The following ZNF562 variants were observed in gnomAD, a reference collection of about 807,000 sequenced individuals.
ZNF562 encodes zinc finger protein 562.
ZNF562 carries 13 observed loss-of-function variants against 17.5 expected under a neutral mutation model. The observed-to-expected ratio is 0.74, with a 90% CI of 0.48 to 1.18. The LOEUF (loss-of-function observed/expected upper bound fraction) is 1.18. Among genes scored for constraint, ZNF562 ranks in the 50% most tolerant of loss-of-function variants. The probability of loss-of-function intolerance (pLI) is 0.00; values close to 1 mark genes in which losing one functional copy is unlikely to be tolerated. For synonymous variants in ZNF562, 163 were observed against 165.4 expected (o/e 0.99, Z 0.11); for missense variants, 481 against 498.5 (o/e 0.96, Z 0.33).
Position 9,660,861 on chromosome 19 carries a change from G to A in ZNF562, c.-117C>T, listed in dbSNP as rs1191017264. On this transcript the variant is annotated 5_prime_UTR_variant, in exon 2 of 6. Transcript: ENST00000453372. Reference sequence around the variant, plus strand: ...GCAATCTCCATTCCCCTTTGTACAGGGTTATCTGAGGCCCTGTTCATACCA... The same window carrying A: ...GCAATCTCCATTCCCCTTTGTACAGAGTTATCTGAGGCCCTGTTCATACCA... 3 of 966,630 alleles carry A rather than the reference G, an allele frequency of 3.1e-6. No homozygotes were observed. Among genetic ancestry groups the A allele is most frequent in the Admixed American group, 2.2e-5 (1 of 46,080 alleles). 59.9% of individuals were successfully genotyped at this position (966,630 alleles called of 1,614,324 possible).
At position 9,653,751 on chromosome 19, in the gene ZNF562, T is replaced by C; in HGVS notation, c.479A>G (p.Lys160Arg). The change falls in exon 6 of 6, where the codon AAA becomes AGA. Residue 160 changes from lysine (K) to arginine (R), a missense_variant. By Grantham distance (26) the Lys-to-Arg change is conservative. This residue lies in a region of ZNF562 where 403 missense variants were observed against 386.4 expected (regional missense o/e 1.04). Coordinates refer to ENST00000453372, the MANE Select transcript of ZNF562 (RefSeq NM_001130031.2). ...GNTFEGNCYGKDSISVHKEAS... is the reference protein window; with the variant it reads ...GNTFEGNCYGRDSISVHKEAS... ...TTCCTTGTGCACACTGATGCTGTCT[T>C]TTCCATAACAATTACCCTCAAAAGT... is the stretch of plus-strand genomic sequence containing the variant. The C allele has an allele frequency of 6.2e-7, 1 of 1,614,084 alleles. No individual in the cohort carries two copies.
rs1413177187 is a variant in ZNF562 at position 9,646,486 on chromosome 19, A to G, written c.*6463T>C. 1 of 152,202 alleles carries G rather than the reference A, an allele frequency of 6.6e-6. No individual in the cohort carries two copies. Among genetic ancestry groups the G allele is most frequent in the African/African-American group, 2.4e-5 (1 of 41,450 alleles). The allele number at this position is 152,202 out of a possible 1,614,324, so 9.4% of individuals were successfully genotyped here. ...ATCAAGCTGATGTAACTATATAAAT[A>G]TCTAACAGAATTAGTGGAACAGAAA... On this transcript the variant is annotated 3_prime_UTR_variant, in exon 6 of 6. Transcript: ENST00000453372.
chr19:9,658,063 T>C lies in ZNF562; in HGVS notation c.187A>G (p.Lys63Glu), dbSNP rs1282994424. The part of the protein sequence containing the change: ...EEWALLDTTQ[K>E]YLYRDVMLEN... ...AGCATCACATCTCTGTAGAGGTATT[T>C]CTGAGTTGTGTCCAGTAAAGCCCAC... Residue 63 changes from lysine (K) to glutamate (E), a missense_variant, in exon 4 of 6, where the codon AAA (lysine) becomes GAA (glutamate). Physicochemically the swap from Lys to Glu is moderately conservative, Grantham distance 56. This residue lies in a region of ZNF562 where 403 missense variants were observed against 386.4 expected (regional missense o/e 1.04). Coordinates refer to ENST00000453372, the MANE Select transcript of ZNF562 (RefSeq NM_001130031.2). 1 of 1,613,832 alleles carries C rather than the reference T, an allele frequency of 6.2e-7. No individual in the cohort carries two copies. Among genetic ancestry groups the C allele is most frequent in the African/African-American group, 1.3e-5 (1 of 74,910 alleles).
chr19:9,652,652 G>A lies in ZNF562; in HGVS notation c.*297C>T, dbSNP rs760417622. 28 of 225,622 alleles carry A rather than the reference G, an allele frequency of 1.2e-4. No homozygotes were observed. Among genetic ancestry groups the A allele is most frequent in the Middle Eastern group, 1.6e-3 (1 of 630 alleles). The allele number at this position is 225,622 out of a possible 1,614,324, so 14.0% of individuals were successfully genotyped here. A position where few individuals can be genotyped will look rare whatever the true frequency, so the allele number is the denominator to read the frequency against. On this transcript the variant is annotated 3_prime_UTR_variant, in exon 6 of 6. Coordinates refer to ENST00000453372, the MANE Select transcript of ZNF562 (RefSeq NM_001130031.2). ...CCTGTAGGTTTAATTTCAGACCCTC[G>A]GGATGCATCTAAGGCCAATCTGTGA...
At chr19:9,654,464 ATTTAT>A (rs1484519394) in intron 5 of ZNF562, among the ~76,000 whole-genome samples, 4 of 151,794 alleles carry the variant, frequency 2.6e-5, no homozygotes, top group African/African-American at 4.8e-5. Context: ...TGATTTATTT[ATTTAT>A]TTTATTTTAT....
At position 9,644,505 on chromosome 19, in the gene ZNF562, TGGG is replaced by T. The variant is rs2074793653; in HGVS notation, c.*8441_*8443del. Reference sequence around the variant, plus strand: ...GTGAGCCACCGTGCCTGGCCGAGACTGGGTAAGTTATGAAGAAAAAGAGGTTTA... The same window carrying T: ...GTGAGCCACCGTGCCTGGCCGAGACTTAAGTTATGAAGAAAAAGAGGTTTA... On this transcript the variant is annotated 3_prime_UTR_variant, in exon 6 of 6. Transcript: ENST00000453372. The T allele has an allele frequency of 6.6e-6, 1 of 152,166 alleles. No homozygotes were observed. The highest frequency in any genetic ancestry group is 2.4e-5 in the African/African-American group (1 of 41,412). 9.4% of individuals were successfully genotyped at this position (152,166 alleles called of 1,614,324 possible). A position where few individuals can be genotyped will look rare whatever the true frequency, so the allele number is the denominator to read the frequency against.
In ZNF562 at chr19:9,642,886, A is replaced by T. The variant is rs1168767017; in HGVS notation, c.*10063T>A. Reference sequence around the variant, plus strand: ...ACCAAAAAAAAAAAAATTTAAAAATAAAAAAATTAGCCGGGCCTGGTGGTA... The same window carrying T: ...ACCAAAAAAAAAAAAATTTAAAAATTAAAAAATTAGCCGGGCCTGGTGGTA... On this transcript the variant is annotated 3_prime_UTR_variant, in exon 6 of 6. Coordinates refer to ENST00000453372, the MANE Select transcript of ZNF562 (RefSeq NM_001130031.2). 1.3e-5 allele frequency: 2 copies of T among 151,722 alleles called. No individual in the cohort carries two copies. Among genetic ancestry groups the T allele is most frequent in the African/African-American group, 4.8e-5 (2 of 41,326 alleles). The allele number at this position is 151,722 out of a possible 1,614,324, so 9.4% of individuals were successfully genotyped here. A position where few individuals can be genotyped will look rare whatever the true frequency, so the allele number is the denominator to read the frequency against.
chr19:9,663,324 T>C (rs1194739572), intron 1 of ZNF562, among the ~76,000 whole-genome samples: 4 of 146,838 alleles, frequency 2.7e-5, no homozygotes, highest in Non-Finnish European at 4.5e-5. Context: ...GGCAGGAGAA[T>C]GGCATGAACC....
chr19:9,669,568 T>C (rs2044068416), intron 1 of ZNF562, among the ~76,000 whole-genome samples: 1 of 152,104 alleles, frequency 6.6e-6, no homozygotes, highest in Admixed American at 6.6e-5. Context: ...CTCAGGCCTT[T>C]AATCCCAAAA....
Position 9,647,964 on chromosome 19 carries a change from T to C in ZNF562, c.*4985A>G, listed in dbSNP as rs2074820403. ...TTTCGCTATGTTGCCCAGGCTGGTT[T>C]GAACTCCTTGGCTCAAGGGATCTTT... On this transcript the variant is annotated 3_prime_UTR_variant, in exon 6 of 6. Transcript: ENST00000453372. 1 of 152,168 alleles carries C rather than the reference T, an allele frequency of 6.6e-6. No individual in the cohort carries two copies. The highest frequency in any genetic ancestry group is 2.4e-5 in the African/African-American group (1 of 41,440). The allele number at this position is 152,168 out of a possible 1,614,324, so 9.4% of individuals were successfully genotyped here.
Position 9,653,074 on chromosome 19 carries a change from T to C in ZNF562, c.1156A>G (p.Thr386Ala). The part of the protein sequence containing the change: ...ECGKAFNRSS[T>A]LTQHRRIHTG... ...TGAATTCTTCTATGTTGAGTAAGCG[T>C]TGAAGATCTATTGAAGGCTTTCCCA... The change falls in exon 6 of 6, where the codon ACG becomes GCG. Residue 386 changes from threonine to alanine, a missense_variant. Thr to Ala is a moderately conservative substitution (Grantham distance 58, BLOSUM62 0). Transcript: ENST00000453372. The C allele has an allele frequency of 8.1e-6, 13 of 1,608,414 alleles. No homozygotes were observed. Among genetic ancestry groups the C allele is most frequent in the Non-Finnish European group, 1.1e-5 (13 of 1,177,232 alleles).
In ZNF562 at chr19:9,647,387, T is replaced by G. The variant is rs1346180410; in HGVS notation, c.*5562A>C. The stretch of plus-strand genomic sequence containing the variant: ...GAGCCACCACTCCCAGCCTGATAAC[T>G]GTTTTATTTATTTATTTTTATTTTT... On this transcript the variant is annotated 3_prime_UTR_variant, in exon 6 of 6. Coordinates refer to ENST00000453372, the MANE Select transcript of ZNF562 (RefSeq NM_001130031.2). 6.6e-6 allele frequency: 1 copy of G among 152,096 alleles called. No homozygotes were observed. The highest frequency in any genetic ancestry group is 1.5e-5 in the Non-Finnish European group (1 of 68,074). 9.4% of individuals were successfully genotyped at this position (152,096 alleles called of 1,614,324 possible). A position where few individuals can be genotyped will look rare whatever the true frequency, so the allele number is the denominator to read the frequency against.
chr19:9,669,734 GCACACACACACACACACACA>G (rs71188835), intron 1 of ZNF562, among the ~76,000 whole-genome samples: 162 of 109,340 alleles, frequency 1.5e-3, no homozygotes, highest in South Asian at 2.5e-3. Context: ...GCGCGCGCGC[GCACACACACACACACACACA>G]CACACACACA....
In ZNF562 at chr19:9,652,908, G is replaced by T. The variant is rs375848308; in HGVS notation, c.*41C>A. 8.6e-5 allele frequency: 126 copies of T among 1,462,390 alleles called. No homozygotes were observed. The highest frequency in any genetic ancestry group is 1.1e-4 in the Non-Finnish European group (118 of 1,104,230). 90.6% of individuals were successfully genotyped at this position (1,462,390 alleles called of 1,614,324 possible). On this transcript the variant is annotated 3_prime_UTR_variant, in exon 6 of 6. Coordinates refer to ENST00000453372, the MANE Select transcript of ZNF562 (RefSeq NM_001130031.2). The stretch of plus-strand genomic sequence containing the variant: ...TTCTCTCTGGTAGGAGTTCACAGGT[G>T]GGGTGAGGAATACAGAAATTCTTTC...
intron 1 of ZNF562, among the ~76,000 whole-genome samples, chr19:9,672,777 CTTTTTTTTTTTTT>C (rs869261585): frequency 1.8e-5 from 2 of 112,236 alleles, no homozygotes; most frequent in Admixed American, 9.2e-5. Context: ...TATTGCCTTT[CTTTTTTTTTTTTT>C]TTTTTTTTTA....
intron 1 of ZNF562, among the ~76,000 whole-genome samples, chr19:9,668,816 C>A (rs890334355): frequency 6.6e-6 from 1 of 152,076 alleles, no homozygotes; most frequent in Non-Finnish European, 1.5e-5. Context: ...TACAAATCTA[C>A]ACATGTACAG....
rs778000569 is a variant in ZNF562 at position 9,659,466 on chromosome 19, C to A, written c.27G>T (p.Gly9=). 6.4e-7 allele frequency: 1 copy of A among 1,550,936 alleles called. No homozygotes were observed. The highest frequency in any genetic ancestry group is 8.7e-7 in the Non-Finnish European group (1 of 1,146,742). The change falls in exon 3 of 6, where the codon GGG becomes GGT. Residue 9 remains glycine (G), a splice_region_variant and synonymous_variant. Coordinates refer to ENST00000453372, the MANE Select transcript of ZNF562 (RefSeq NM_001130031.2). MSAFDMSH[G]FFPREPICPF... ...GACAGATTGGTTCCCTGGGAAAAAACCCTAGTGGAAAAGTAAGAAGGCATG... is the reference window on the plus strand; with the variant it reads ...GACAGATTGGTTCCCTGGGAAAAAAACCTAGTGGAAAAGTAAGAAGGCATG...
At chr19:9,658,462 G>A (rs561614989) in intron 3 of ZNF562, 1 of 418,388 alleles carries the variant, frequency 2.4e-6, no homozygotes, top group East Asian at 1.6e-4. Flanking sequence ...TGATTCTCAT[G>A]CCTCAGCCTC....
At chr19:9,656,741 C>G in intron 4 of ZNF562, 88 bp from the exon 5 acceptor site, 2 of 1,370,872 alleles carry the variant, frequency 1.5e-6, no homozygotes, top group Non-Finnish European at 2.0e-6. Flanking sequence ...ATAAAAGCCA[C>G]AGGCCAGGCA....
Sources: allele counts gnomAD v4.1 joint callset (sites outside exome capture counted in the v4.1 genomes callset), GRCh38; gene constraint gnomAD v4.1.1; regional missense constraint gnomAD v4.1.1; transcripts MANE v1.5; gene names NCBI Gene and HGNC (gene_info 2026-07-23, HGNC 2026-07-21).